LAMA2: variants seen among roughly 807,000 people sequenced by gnomAD.
LAMA2 encodes the protein laminin subunit alpha-2.
LAMA2 carries 269 observed loss-of-function variants against 364.8 expected under a neutral mutation model. The ratio of observed to expected loss-of-function variants is 0.74; its 90% CI spans 0.67 to 0.82. LAMA2 has a LOEUF of 0.82. Ranked by LOEUF, LAMA2 falls within the 40% of genes least tolerant of loss-of-function variation. The pLI is 0.00. For synonymous variants in LAMA2, 1,379 were observed against 1,370.6 expected (o/e 1.01, Z -0.14); for missense variants, 3,807 against 3,873.2 (o/e 0.98, Z 0.45).
intron 12 of LAMA2, among the ~76,000 whole-genome samples, chr6:129,233,291 G>T (rs1487610129): frequency 3.3e-5 from 5 of 152,138 alleles, no homozygotes; most frequent in Non-Finnish European, 7.4e-5. Context: ...GCAATGTACA[G>T]TTGACCCTTG....
At chr6:129,422,379 C>G (rs1194797874) in intron 40 of LAMA2, among the ~76,000 whole-genome samples, 1 of 152,084 alleles carries the variant, frequency 6.6e-6, no homozygotes, top group African/African-American at 2.4e-5. Flanking sequence ...TGTATCAGTA[C>G]ATAGCCTTCA....
Position 129,475,232 on chromosome 6 carries a change from G to A in LAMA2, c.7440-158G>A, listed in dbSNP as rs567862614. On this transcript the variant is annotated intron_variant, in intron 52 of 64. Transcript: ENST00000421865. ...CGTCAAGGGTATAAGTCTATTTTTA[G>A]TTCTATTGGGGCTTTTGCATTTCTT... 2.0e-5 allele frequency among the ~76,000 whole-genome samples: 3 copies of A among 151,800 alleles called. No individual in the cohort carries two copies. The South Asian group carries it at 6.3e-4, about 32-fold the overall frequency.
chr6:129,297,046 C>G (rs1015323189), intron 20 of LAMA2, among the ~76,000 whole-genome samples: 1 of 152,120 alleles, frequency 6.6e-6, no homozygotes, highest in Non-Finnish European at 1.5e-5. Context: ...TGCTTTAATA[C>G]GTGTTCTCAC....
intron 4 of LAMA2, among the ~76,000 whole-genome samples, chr6:129,139,182 A>G (rs1029449158): frequency 6.6e-6 from 1 of 152,128 alleles, no homozygotes; most frequent in African/African-American, 2.4e-5. Context: ...ATCCAGAGCC[A>G]GACTCAGAGC....
chr6:128,910,715 G>C (rs529210135), intron 1 of LAMA2, among the ~76,000 whole-genome samples: 1 of 152,152 alleles, frequency 6.6e-6, no homozygotes, highest in South Asian at 2.1e-4. Context: ...GAGGCGCTCT[G>C]CTTTTTAGAG....
At chr6:129,232,727 G>A (rs550425861) in intron 12 of LAMA2, among the ~76,000 whole-genome samples, 54 of 152,160 alleles carry the variant, frequency 3.5e-4, no homozygotes, top group Non-Finnish European at 6.8e-4. Flanking sequence ...TGGCAAAAGG[G>A]ACTTTGCAAA....
chr6:129,095,754 CAAA>C (rs57713069), intron 3 of LAMA2, among the ~76,000 whole-genome samples: 9 of 93,980 alleles, frequency 9.6e-5, no homozygotes, highest in East Asian at 3.2e-4. Flanking sequence ...CTACTAAATA[CAAA>C]AAAAAAAAAA....
intron 48 of LAMA2, among the ~76,000 whole-genome samples, chr6:129,458,885 T>C (rs1221590369): frequency 6.6e-6 from 1 of 152,106 alleles, no homozygotes; most frequent in Non-Finnish European, 1.5e-5. Context: ...CAGTAACTGT[T>C]TTCTTATGTG....
chr6:128,904,084 G>A (rs374309961), intron 1 of LAMA2, among the ~76,000 whole-genome samples: 1 of 152,084 alleles, frequency 6.6e-6, no homozygotes, highest in African/African-American at 2.4e-5. Flanking sequence ...AGGGACCAAC[G>A]CCCAGGACAT....
At chr6:129,196,991 T>C (rs1003220536) in intron 12 of LAMA2, among the ~76,000 whole-genome samples, 1 of 152,122 alleles carries the variant, frequency 6.6e-6, no homozygotes, top group Non-Finnish European at 1.5e-5. Flanking sequence ...CATTATACCC[T>C]GCTCCCTTTG....
chr6:129,509,542 A>T (rs1786397391), intron 62 of LAMA2, among the ~76,000 whole-genome samples: 1 of 152,118 alleles, frequency 6.6e-6, no homozygotes, highest in South Asian at 2.1e-4. Context: ...ATGGCGAGAG[A>T]TAGGGATCTA....
At chr6:129,292,857 C>T in intron 20 of LAMA2, 2 of 985,788 alleles carry the variant, frequency 2.0e-6, no homozygotes, top group South Asian at 9.4e-5. Flanking sequence ...TGACTGCGAT[C>T]CCGTTGGCTC....
intron 1 of LAMA2, among the ~76,000 whole-genome samples, chr6:128,911,435 A>T (rs1777940466): frequency 6.6e-6 from 1 of 152,134 alleles, no homozygotes; most frequent in Non-Finnish European, 1.5e-5. Context: ...TTTGACTAGG[A>T]AAGGGAACTC....
chr6:129,470,778 G>C (rs780346507), intron 51 of LAMA2, among the ~76,000 whole-genome samples: 2 of 151,844 alleles, frequency 1.3e-5, no homozygotes, highest in Non-Finnish European at 2.9e-5. Context: ...GTGGATGATT[G>C]CTCCTTTTCA....
chr6:129,096,199 T>A (rs1775178092), intron 3 of LAMA2, among the ~76,000 whole-genome samples: 1 of 152,236 alleles, frequency 6.6e-6, no homozygotes. Flanking sequence ...TCCTTATGAA[T>A]AATACCTAAA....
At chr6:129,134,134 T>A (rs1450069940) in intron 4 of LAMA2, among the ~76,000 whole-genome samples, 2 of 152,230 alleles carry the variant, frequency 1.3e-5, no homozygotes, top group Non-Finnish European at 2.9e-5. Flanking sequence ...TATCTGACTT[T>A]CAAGTGTACT....
intron 12 of LAMA2, among the ~76,000 whole-genome samples, chr6:129,232,726 G>A (rs1363496087): frequency 6.6e-6 from 1 of 151,984 alleles, no homozygotes; most frequent in African/African-American, 2.4e-5. Context: ...ATGGCAAAAG[G>A]GACTTTGCAA....
intron 27 of LAMA2, among the ~76,000 whole-genome samples, chr6:129,318,606 C>G (rs1435984499): frequency 6.6e-6 from 1 of 152,066 alleles, no homozygotes; most frequent in Non-Finnish European, 1.5e-5. Context: ...CCACAGAGAG[C>G]CCAGAGAACA....
rs73595456 is a variant in LAMA2 at position 129,409,970 on chromosome 6, C to T, written c.5865+6011C>T. Among the ~76,000 whole-genome samples the T allele has an allele frequency of 5.1e-3, 781 of 152,266 alleles. 9 individuals carry two copies. Among genetic ancestry groups the T allele is most frequent in the African/African-American group, 0.018 (733 of 41,554 alleles). On this transcript the variant is annotated intron_variant, in intron 40 of 64. Transcript: ENST00000421865. ...CAGTGAATGAATAGATTTTCTATGACGTTGACTCCTTGGAATGACCACCAG... is the reference window on the plus strand; with the variant it reads ...CAGTGAATGAATAGATTTTCTATGATGTTGACTCCTTGGAATGACCACCAG...
Sources: gnomAD v4.1 joint callset for allele counts (sites outside exome capture counted in the v4.1 genomes callset) on GRCh38, gnomAD v4.1.1 for gene constraint, MANE v1.5 for transcripts, NCBI Gene and HGNC (gene_info 2026-07-23, HGNC 2026-07-21) for gene names.